NEDD4L: variants seen among roughly 807,000 people sequenced by gnomAD.
The protein encoded by NEDD4L is E3 ubiquitin-protein ligase NEDD4-like.
Under a neutral mutation model 148.9 loss-of-function variants are expected in NEDD4L, and 54 were observed. The ratio of observed to expected loss-of-function variants is 0.36; its 90% CI spans 0.29 to 0.45. NEDD4L has a LOEUF of 0.45. Among genes scored for constraint, NEDD4L ranks in the 20% least tolerant of loss-of-function variants. The pLI, the probability that NEDD4L is intolerant of heterozygous loss-of-function variation, is 1.00. For synonymous variants in NEDD4L, 433 were observed against 440.7 expected (o/e 0.98, Z 0.22); for missense variants, 856 against 1,233.8 (o/e 0.69, Z 4.59).
In NEDD4L at chr18:58,341,780, T is replaced by C; in HGVS notation, c.1360T>C (p.Leu454=). 1 of 1,613,428 alleles carries C rather than the reference T, an allele frequency of 6.2e-7. No individual in the cohort carries two copies. The highest frequency in any genetic ancestry group is 8.5e-7 in the Non-Finnish European group (1 of 1,179,738). ...TAGCCTCAGCTCGCCAACAGTAACTTTATCTGCCCCGCTGGAGGTGAGACG... is the reference window on the plus strand; with the variant it reads ...TAGCCTCAGCTCGCCAACAGTAACTCTATCTGCCCCGCTGGAGGTGAGACG... ...PRSLSSPTVT[L]SAPLEGAKDS... Residue 454 remains leucine (L), a synonymous_variant, in exon 15 of 31, where the codon TTA becomes CTA. Transcript: ENST00000400345.
chr18:58,357,172 T>G lies in NEDD4L; in HGVS notation c.1709-22T>G, dbSNP rs991408819. The G allele has an allele frequency of 3.8e-6, 6 of 1,594,994 alleles. No homozygotes were observed. The Admixed American group carries it at 1.0e-4, about 27-fold the overall frequency. On this transcript the variant is annotated intron_variant, in intron 18 of 30. Transcript: ENST00000400345. ...TTTGAACTAATGTTCTGATTTTTTTTTTTTTTTTTTAACATTTTCAGATAG... is the reference window on the plus strand; with the variant it reads ...TTTGAACTAATGTTCTGATTTTTTTGTTTTTTTTTTAACATTTTCAGATAG...
At chr18:58,238,186 A>C (rs1046127337) in intron 2 of NEDD4L, among the ~76,000 whole-genome samples, 3 of 152,188 alleles carry the variant, frequency 2.0e-5, no homozygotes, top group East Asian at 3.8e-4. Flanking sequence ...TGAGTGATAT[A>C]TTTTAAACTA....
chr18:58,196,710 CTTTTT>C (rs544883000), intron 2 of NEDD4L, among the ~76,000 whole-genome samples: 4,478 of 114,222 alleles, frequency 0.039, 234 homozygotes, highest in African/African-American at 0.12. Flanking sequence ...CTCTCTCTCT[CTTTTT>C]TTTTTTTTTT....
intron 1 of NEDD4L, among the ~76,000 whole-genome samples, chr18:58,140,618 A>C (rs1255897279): frequency 6.6e-6 from 1 of 152,242 alleles, no homozygotes; most frequent in Admixed American, 6.5e-5. Context: ...TGCTTCCTTT[A>C]TAGTAATGAG....
At chr18:58,137,350 G>A (rs79502301) in intron 1 of NEDD4L, among the ~76,000 whole-genome samples, 1 of 152,186 alleles carries the variant, frequency 6.6e-6, no homozygotes, top group Admixed American at 6.5e-5. Flanking sequence ...GGCACCACTC[G>A]TAAGTCCAGA....
At chr18:58,049,363 C>G (rs1273717151) in intron 1 of NEDD4L, among the ~76,000 whole-genome samples, 1 of 152,200 alleles carries the variant, frequency 6.6e-6, no homozygotes, top group Non-Finnish European at 1.5e-5. Flanking sequence ...TGTGTATTTT[C>G]AAGAGATTAC....
At chr18:58,282,454 C>T (rs749503364) in intron 5 of NEDD4L, among the ~76,000 whole-genome samples, 9 of 152,210 alleles carry the variant, frequency 5.9e-5, no homozygotes, top group Non-Finnish European at 1.3e-4. Flanking sequence ...TTTGTAATAT[C>T]AGTGACTGAA....
At chr18:58,105,454 C>A (rs567694153) in intron 1 of NEDD4L, among the ~76,000 whole-genome samples, 143 of 152,194 alleles carry the variant, frequency 9.4e-4, no homozygotes, top group Middle Eastern at 3.4e-3. Flanking sequence ...CCTGGCAGTG[C>A]CTAGCAACGG....
chr18:58,152,714 A>G (rs2034931174), intron 1 of NEDD4L, among the ~76,000 whole-genome samples: 1 of 152,158 alleles, frequency 6.6e-6, no homozygotes, highest in Non-Finnish European at 1.5e-5. Context: ...ATTTCTTCCA[A>G]GTTGCCAGGT....
intron 2 of NEDD4L, among the ~76,000 whole-genome samples, chr18:58,238,561 A>T (rs1036616067): frequency 6.6e-6 from 1 of 152,212 alleles, no homozygotes; most frequent in Non-Finnish European, 1.5e-5. Flanking sequence ...ATATTCTAGT[A>T]TATGATTGTA....
chr18:58,382,875 A>C (rs2048531736), intron 24 of NEDD4L, among the ~76,000 whole-genome samples: 1 of 152,244 alleles, frequency 6.6e-6, no homozygotes, highest in African/African-American at 2.4e-5. Flanking sequence ...TCAGAAACAG[A>C]ATGCATTAGA....
rs539134856 is a variant in NEDD4L at position 58,272,965 on chromosome 18, A to T, written c.297+20911A>T. 3.3e-5 allele frequency among the ~76,000 whole-genome samples: 5 copies of T among 152,324 alleles called. No individual in the cohort carries two copies. In the South Asian group the frequency reaches 1.0e-3, roughly 32 times the overall value. On this transcript the variant is annotated intron_variant, in intron 5 of 30. Coordinates refer to ENST00000400345, the MANE Select transcript of NEDD4L (RefSeq NM_001144967.3). ...GAAGCTGAGACAGGAAATCATGGGG[A>T]GGCCTACTTGAAGAGAGGTAAGGAA...
intron 1 of NEDD4L, among the ~76,000 whole-genome samples, chr18:58,086,578 T>C (rs1256374365): frequency 6.6e-6 from 1 of 152,204 alleles, no homozygotes; most frequent in Non-Finnish European, 1.5e-5. Context: ...TTTTTGTTGT[T>C]CTGATATTTC....
chr18:58,223,480 A>G (rs2043995832), intron 2 of NEDD4L, among the ~76,000 whole-genome samples: 1 of 152,106 alleles, frequency 6.6e-6, no homozygotes, highest in Non-Finnish European at 1.5e-5. Context: ...AAGTGATGGG[A>G]CAGGAGCTTT....
chr18:58,184,859 T>C (rs111441620), intron 2 of NEDD4L, among the ~76,000 whole-genome samples: 2,383 of 150,162 alleles, frequency 0.016, 53 homozygotes, highest in African/African-American at 0.055. Context: ...ACGCAGGAGG[T>C]GGAGCTTGCA....
Position 58,390,638 on chromosome 18 carries a change from G to A in NEDD4L, c.2656-8G>A, listed in dbSNP as rs772361229. ...GGGGGTATAATGACCTTCTGCCTCT[G>A]TTCATAGGCTGTGCTACTCATGGAC... On this transcript the variant is annotated splice_region_variant and splice_polypyrimidine_tract_variant and intron_variant, in intron 28 of 30. Coordinates refer to ENST00000400345, the MANE Select transcript of NEDD4L (RefSeq NM_001144967.3). 1.2e-4 allele frequency: 195 copies of A among 1,571,644 alleles called. No individual in the cohort carries two copies. The highest frequency in any genetic ancestry group is 1.6e-4 in the Non-Finnish European group (188 of 1,155,260).
intron 1 of NEDD4L, chr18:58,047,419 A>ACC: frequency 4.1e-6 from 4 of 985,384 alleles, no homozygotes; most frequent in Non-Finnish European, 4.8e-6. Flanking sequence ...ATGATGAAGC[A>ACC]TTGCATGAAC....
chr18:58,343,964 C>T (rs1485627866), intron 16 of NEDD4L, among the ~76,000 whole-genome samples: 5 of 152,226 alleles, frequency 3.3e-5, no homozygotes, highest in South Asian at 2.1e-4. Flanking sequence ...GTTTTTCTTC[C>T]GGTTATGTCC....
intron 2 of NEDD4L, among the ~76,000 whole-genome samples, chr18:58,196,421 A>AT (rs1254242984): frequency 6.6e-6 from 1 of 152,218 alleles, no homozygotes; most frequent in Non-Finnish European, 1.5e-5. Context: ...AGATTAAATG[A>AT]TTTTGCTCTT....
Sources: allele counts gnomAD v4.1 joint callset (sites outside exome capture counted in the v4.1 genomes callset), GRCh38; gene constraint gnomAD v4.1.1; transcripts MANE v1.5; gene names NCBI Gene and HGNC (gene_info 2026-07-23, HGNC 2026-07-21).